Variants in USP4 observed in about 807,000 individuals in gnomAD.
The protein encoded by USP4 is ubiquitin specific peptidase 4, also known as ubiquitin carboxyl-terminal hydrolase 4.
A neutral mutation model predicts 118.2 loss-of-function variants in USP4; 72 were observed. The observed-to-expected ratio is 0.61, with a 90% CI of 0.50 to 0.74. USP4 has a LOEUF of 0.74. Ranked by LOEUF, USP4 falls within the 30% of genes least tolerant of loss-of-function variation. USP4 has a pLI of 0.00. For synonymous variants in USP4, 415 were observed against 440.4 expected, an observed-to-expected ratio of 0.94 and a Z score of 0.72; for missense variants, 1,037 against 1,185.7, an observed-to-expected ratio of 0.87 and a Z score of 1.84.
At chr3:49,310,963 CCT>C (rs2047376224) in intron 7 of USP4, among the ~76,000 whole-genome samples, 1 of 152,124 alleles carries the variant, frequency 6.6e-6, no homozygotes, top group African/African-American at 2.4e-5. Flanking sequence ...CTTGAATTTT[CCT>C]CTGTTAGGCT....
At chr3:49,336,165 CTTTTTTT>C (rs34604530) in intron 1 of USP4, among the ~76,000 whole-genome samples, 12 of 83,000 alleles carry the variant, frequency 1.4e-4, no homozygotes, top group African/African-American at 4.4e-4. Flanking sequence ...CACCTGGCCT[CTTTTTTT>C]TTTTTTTTTT....
intron 6 of USP4, among the ~76,000 whole-genome samples, chr3:49,323,886 T>C (rs2047525407): frequency 6.6e-6 from 1 of 152,206 alleles, no homozygotes; most frequent in South Asian, 2.1e-4. Flanking sequence ...TTGAAACAGA[T>C]GTGTCCTTAG....
intron 9 of USP4, 30 bp from the exon 10 acceptor site, chr3:49,302,572 A>C (rs570276638): frequency 6.2e-7 from 1 of 1,603,874 alleles, no homozygotes. Flanking sequence ...ATCAGAAGGC[A>C]TAATACGTAA....
At chr3:49,298,712 C>G (rs947299706) in intron 11 of USP4, 77 bp from the exon 12 acceptor site, 2 of 1,303,252 alleles carry the variant, frequency 1.5e-6, no homozygotes, top group Non-Finnish European at 2.2e-6. Flanking sequence ...GCAGGCATCA[C>G]TAGGGGCAGA....
chr3:49,335,691 G>C, intron 1 of USP4, 95 bp from the exon 2 acceptor site: 1 of 1,447,110 alleles, frequency 6.9e-7, no homozygotes, highest in Non-Finnish European at 9.6e-7. Flanking sequence ...TTCCACTTGG[G>C]GCATATGCAA....
In USP4 at chr3:49,339,965, A is replaced by G; in HGVS notation, c.60T>C (p.Leu20=). The stretch of plus-strand genomic sequence containing the variant: ...GGAGTGTGGTCCTCATTAAGGGTCC[A>G]AGCTCGGACTTCTGAGTCTCCGCAT... ...RPDAETQKSE[L]GPLMRTTLQR... Residue 20 remains leucine (L), a synonymous_variant, in exon 1 of 22, where the codon CTT becomes CTC. Coordinates refer to ENST00000265560, the MANE Select transcript of USP4 (RefSeq NM_003363.4). 7 of 1,612,954 alleles carry G rather than the reference A, an allele frequency of 4.3e-6. No homozygotes were observed. The highest frequency in any genetic ancestry group is 5.1e-6 in the Non-Finnish European group (6 of 1,179,888).
At chr3:49,279,444 C>A (rs968070961) in intron 20 of USP4, among the ~76,000 whole-genome samples, 56 of 142,322 alleles carry the variant, frequency 3.9e-4, no homozygotes, top group Non-Finnish European at 2.5e-4. Context: ...TCTCCATATC[C>A]AAAAAAAAAA....
At position 49,277,387 on chromosome 3, in the gene USP4, G is replaced by C. The variant is rs1051550321; in HGVS notation, c.*906C>G. On this transcript the variant is annotated 3_prime_UTR_variant, in exon 22 of 22. Transcript: ENST00000265560. ...GGCTTTCGAATGGGGGCCCCGGGAA[G>C]AGTCTTGGCAGGGATGAGGAAAGAA... 9 of 455,962 alleles carry C rather than the reference G, an allele frequency of 2.0e-5. No homozygotes were observed. Among genetic ancestry groups the C allele is most frequent in the Non-Finnish European group, 2.9e-5 (8 of 271,352 alleles). The allele number at this position is 455,962 out of a possible 1,614,324, so 28.2% of individuals were successfully genotyped here.
At position 49,317,542 on chromosome 3, in the gene USP4, G is replaced by GT. The variant is rs71077785; in HGVS notation, c.696-5889dup. ...GTTTTGTTTTGTTTTTTGTTTGTTT[G>GT]TTTTTTTTTTTTTTTTGAGACAACA... On this transcript the variant is annotated intron_variant, in intron 6 of 21. Transcript: ENST00000265560. 9.3e-3 allele frequency: 4,745 copies of GT among 510,528 alleles called. 2 individuals are homozygous for GT. The highest frequency in any genetic ancestry group is 0.013 in the Middle Eastern group (28 of 2,164). 31.6% of individuals were successfully genotyped at this position (510,528 alleles called of 1,614,324 possible).
intron 6 of USP4, among the ~76,000 whole-genome samples, chr3:49,322,706 C>T (rs111733891): frequency 0.037 from 5,612 of 151,808 alleles, 352 homozygotes; most frequent in African/African-American, 0.13. Flanking sequence ...ACTAAAAATA[C>T]AAAAATTAGC....
At chr3:49,332,161 C>T (rs1419530600) in intron 2 of USP4, among the ~76,000 whole-genome samples, 1 of 151,950 alleles carries the variant, frequency 6.6e-6, no homozygotes, top group African/African-American at 2.4e-5. Flanking sequence ...CCTGTAATCC[C>T]AGCTACTTGG....
chr3:49,283,836 G>C (rs1488940096), intron 19 of USP4, 151 bp downstream of exon 19: 4 of 835,026 alleles, frequency 4.8e-6, no homozygotes, highest in East Asian at 5.1e-5. Flanking sequence ...GGGACAGAAG[G>C]GGTAACTACA....
At chr3:49,321,901 A>G (rs1389642598) in intron 6 of USP4, among the ~76,000 whole-genome samples, 3 of 152,092 alleles carry the variant, frequency 2.0e-5, no homozygotes, top group Non-Finnish European at 1.5e-5. Context: ...AGGCTGAGGC[A>G]CAGAATTGCT....
chr3:49,300,401 G>T, intron 11 of USP4, 66 bp downstream of exon 11: 1 of 1,452,504 alleles, frequency 6.9e-7, no homozygotes, highest in South Asian at 1.2e-5. Flanking sequence ...GCAGATAGGA[G>T]CAGTCCCACT....
chr3:49,295,582 T>G (rs1032813478), intron 13 of USP4, among the ~76,000 whole-genome samples: 14 of 152,046 alleles, frequency 9.2e-5, no homozygotes, highest in African/African-American at 2.7e-4. Flanking sequence ...TTTATAGATG[T>G]TTTATCCTGG....
intron 3 of USP4, 111 bp downstream of exon 3, chr3:49,327,575 C>A (rs1445806669): frequency 1.7e-6 from 2 of 1,190,022 alleles, no homozygotes; most frequent in Non-Finnish European, 2.4e-6. Flanking sequence ...GCCTCAAGCA[C>A]CACTATTCAA....
chr3:49,315,157 C>T (rs1485719912), intron 6 of USP4, among the ~76,000 whole-genome samples: 1 of 151,522 alleles, frequency 6.6e-6, no homozygotes, highest in East Asian at 1.9e-4. Flanking sequence ...TGCTTACAAT[C>T]CCAGCACTTT....
intron 1 of USP4, among the ~76,000 whole-genome samples, chr3:49,337,200 C>A (rs2047677025): frequency 6.6e-6 from 1 of 152,014 alleles, no homozygotes; most frequent in South Asian, 2.1e-4. Flanking sequence ...ATCACTTGCA[C>A]CCGGAAGACA....
At chr3:49,305,959 C>T in intron 8 of USP4, 71 bp from the exon 9 acceptor site, 1 of 1,445,982 alleles carries the variant, frequency 6.9e-7, no homozygotes, top group Non-Finnish European at 9.2e-7. Flanking sequence ...AAATCAAGTT[C>T]TAAAGGGTCA....
Sources: allele counts gnomAD v4.1 joint callset (sites outside exome capture counted in the v4.1 genomes callset), GRCh38; gene constraint gnomAD v4.1.1; transcripts MANE v1.5; gene names NCBI Gene and HGNC (gene_info 2026-07-23, HGNC 2026-07-21).